HDAC4: variants seen among roughly 807,000 people sequenced by gnomAD.
The protein encoded by HDAC4 is histone deacetylase A.
HDAC4 carries 16 observed loss-of-function variants against 135.1 expected under a neutral mutation model. The observed-to-expected ratio is 0.12, with a 90% CI of 0.08 to 0.18. HDAC4 has a LOEUF of 0.18. Among genes scored for constraint, HDAC4 ranks in the 10% least tolerant of loss-of-function variants. The probability of loss-of-function intolerance (pLI) is 1.00; values close to 1 mark genes in which losing one functional copy is unlikely to be tolerated. For missense variants in HDAC4, 1,143 were observed against 1,511.8 expected (o/e 0.76, Z 4.05); for synonymous variants, 685 against 653.4 (o/e 1.05, Z -0.74).
At chr2:239,236,236 G>T (rs927877320) in intron 3 of HDAC4, among the ~76,000 whole-genome samples, 1 of 152,216 alleles carries the variant, frequency 6.6e-6, no homozygotes, top group South Asian at 2.1e-4. Context: ...GTGGGACCCA[G>T]CCCCGCCCAC....
At chr2:239,210,531 T>C (rs1283912880) in intron 3 of HDAC4, among the ~76,000 whole-genome samples, 3 of 152,170 alleles carry the variant, frequency 2.0e-5, no homozygotes, top group Non-Finnish European at 4.4e-5. Flanking sequence ...ACTACAAACG[T>C]GTACATTTAT....
rs2030796341 is a variant in HDAC4 at position 239,051,212 on chromosome 2, G to A, written c.*1885C>T. 1 of 152,434 alleles carries A rather than the reference G, an allele frequency of 6.6e-6. No homozygotes were observed. Among genetic ancestry groups the A allele is most frequent in the Non-Finnish European group, 1.5e-5 (1 of 68,020 alleles). The allele number at this position is 152,434 out of a possible 1,614,324, so 9.4% of individuals were successfully genotyped here. A position where few individuals can be genotyped will look rare whatever the true frequency, so the allele number is the denominator to read the frequency against. On this transcript the variant is annotated 3_prime_UTR_variant, in exon 27 of 27. Transcript: ENST00000543185. ...CACACCACCCCTCGTAATACTACTA[G>A]TGTTGAAAGTTAAAAAGAGCCCCTG...
chr2:239,397,331 T>C (rs897833708), intron 1 of HDAC4, among the ~76,000 whole-genome samples: 1 of 152,120 alleles, frequency 6.6e-6, no homozygotes, highest in Non-Finnish European at 1.5e-5. Context: ...GACACCTACA[T>C]GGTGAGTGCA....
chr2:239,190,533 T>C lies in HDAC4; in HGVS notation c.95-456A>G, dbSNP rs115857084. 9.2e-3 allele frequency among the ~76,000 whole-genome samples: 1,396 copies of C among 152,310 alleles called. 24 individuals carry two copies. The highest frequency in any genetic ancestry group is 0.032 in the African/African-American group (1,319 of 41,562). On this transcript the variant is annotated intron_variant, in intron 3 of 26. Coordinates refer to ENST00000543185, the MANE Select transcript of HDAC4 (RefSeq NM_001378414.1). Reference sequence around the variant, plus strand: ...GCCTGTCCTGCTCCTCTTCCTCCTCTTCCATCGAAGTCACCGTGCCGCTGT... The same window carrying C: ...GCCTGTCCTGCTCCTCTTCCTCCTCCTCCATCGAAGTCACCGTGCCGCTGT...
chr2:239,325,661 G>T (rs1440618362), intron 2 of HDAC4, among the ~76,000 whole-genome samples: 1 of 152,190 alleles, frequency 6.6e-6, no homozygotes, highest in Admixed American at 6.5e-5. Flanking sequence ...CACTTTGGTG[G>T]TTTCTAAAAA....
intron 9 of HDAC4, among the ~76,000 whole-genome samples, chr2:239,136,215 A>G (rs2040945493): frequency 6.6e-6 from 1 of 152,176 alleles, no homozygotes; most frequent in East Asian, 1.9e-4. Flanking sequence ...TAATGAATAG[A>G]TAACAGATTT....
chr2:239,223,264 ATT>A (rs2047063933), intron 3 of HDAC4, among the ~76,000 whole-genome samples: 1 of 152,198 alleles, frequency 6.6e-6, no homozygotes, highest in East Asian at 1.9e-4. Context: ...AATAGAAACC[ATT>A]GGAGAAGAAG....
intron 3 of HDAC4, among the ~76,000 whole-genome samples, chr2:239,227,945 C>A (rs998387345): frequency 6.6e-6 from 1 of 152,170 alleles, no homozygotes; most frequent in African/African-American, 2.4e-5. Flanking sequence ...ACATTTTCAA[C>A]GCAATTCAAG....
At chr2:239,120,957 C>G (rs898395390) in intron 12 of HDAC4, among the ~76,000 whole-genome samples, 1 of 151,686 alleles carries the variant, frequency 6.6e-6, no homozygotes, top group African/African-American at 2.4e-5. Context: ...TCGGTGGACA[C>G]AGAAGCTCCA....
chr2:239,218,407 C>A (rs1311635687), intron 3 of HDAC4, among the ~76,000 whole-genome samples: 1 of 151,086 alleles, frequency 6.6e-6, no homozygotes, highest in Non-Finnish European at 1.5e-5. Flanking sequence ...GGAAAACTGG[C>A]TAGCCATATG....
chr2:239,222,032 C>T (rs1036151363), intron 3 of HDAC4, among the ~76,000 whole-genome samples: 5 of 152,186 alleles, frequency 3.3e-5, no homozygotes, highest in African/African-American at 7.2e-5. Flanking sequence ...AATCCAAATG[C>T]GGCTGTAAAC....
chr2:239,150,469 C>T (rs2042043841), intron 7 of HDAC4, among the ~76,000 whole-genome samples: 1 of 151,642 alleles, frequency 6.6e-6, no homozygotes, highest in Admixed American at 6.6e-5. Flanking sequence ...TACATAGAAA[C>T]ACAGATACAC....
intron 4 of HDAC4, among the ~76,000 whole-genome samples, chr2:239,183,300 A>T (rs1317617145): frequency 1.3e-5 from 2 of 152,226 alleles, no homozygotes; most frequent in Non-Finnish European, 2.9e-5. Flanking sequence ...ACCCAAAAAG[A>T]TTTTCACTTT....
chr2:239,161,383 GA>G (rs1223459252), intron 6 of HDAC4, among the ~76,000 whole-genome samples: 3 of 152,266 alleles, frequency 2.0e-5, no homozygotes, highest in Admixed American at 1.3e-4. Context: ...TCAAGGTTGG[GA>G]AAAGTTTCTA....
At chr2:239,066,075 G>A (rs911644093) in intron 24 of HDAC4, among the ~76,000 whole-genome samples, 3 of 152,200 alleles carry the variant, frequency 2.0e-5, no homozygotes, top group Admixed American at 6.5e-5. Context: ...GCCCTGCTGG[G>A]AGCAGGGAGG....
Position 239,179,241 on chromosome 2 carries a change from C to T in HDAC4, c.340-2678G>A, listed in dbSNP as rs368263611. Among the ~76,000 whole-genome samples, 3 of 152,246 alleles carry T rather than the reference C, an allele frequency of 2.0e-5. No individual in the cohort carries two copies. The South Asian group carries it at 6.2e-4, about 31-fold the overall frequency. The stretch of plus-strand genomic sequence containing the variant: ...CCCATGGGATGCCACCCACGTCACA[C>T]TGTCGTCCCTGTGTATTCTTCAATC... On this transcript the variant is annotated intron_variant, in intron 4 of 26. Transcript: ENST00000543185.
chr2:239,383,756 T>G (rs1157300586), intron 1 of HDAC4, among the ~76,000 whole-genome samples: 1 of 152,090 alleles, frequency 6.6e-6, no homozygotes, highest in Non-Finnish European at 1.5e-5. Flanking sequence ...TGATGGCCCC[T>G]CCCTCAACGA....
At chr2:239,368,147 T>C (rs993709296) in intron 1 of HDAC4, among the ~76,000 whole-genome samples, 4 of 152,196 alleles carry the variant, frequency 2.6e-5, no homozygotes, top group African/African-American at 9.7e-5. Flanking sequence ...ATCTCAATCA[T>C]TGAAGCTAAA....
chr2:239,179,398 C>T (rs1212332547), intron 4 of HDAC4, among the ~76,000 whole-genome samples: 1 of 152,176 alleles, frequency 6.6e-6, no homozygotes, highest in Non-Finnish European at 1.5e-5. Flanking sequence ...CAAGCTCCTG[C>T]TGGATCAGTG....
Sources: gnomAD v4.1 joint callset for allele counts (sites outside exome capture counted in the v4.1 genomes callset) on GRCh38, gnomAD v4.1.1 for gene constraint, MANE v1.5 for transcripts, NCBI Gene and HGNC (gene_info 2026-07-23, HGNC 2026-07-21) for gene names.